Variants in ADAMTS16 observed in about 807,000 individuals in gnomAD.
ADAMTS16 encodes ADAM metallopeptidase with thrombospondin type 1 motif 16.
In ADAMTS16, 94 loss-of-function variants were observed where a neutral mutation model predicts 145.8. That is an observed-to-expected ratio of 0.64 (90% CI 0.55 to 0.77). ADAMTS16 has a LOEUF of 0.77. ADAMTS16 is among the 30% of genes least tolerant of loss of function. The pLI, the probability that ADAMTS16 is intolerant of heterozygous loss-of-function variation, is 0.00. For synonymous variants in ADAMTS16, 659 were observed against 604.3 expected, an observed-to-expected ratio of 1.09 and a Z score of -1.33; for missense variants, 1,585 against 1,591.5, an observed-to-expected ratio of 1.00 and a Z score of 0.07.
At chr5:5,172,238 A>G (rs1735060646) in intron 3 of ADAMTS16, among the ~76,000 whole-genome samples, 1 of 151,752 alleles carries the variant, frequency 6.6e-6, no homozygotes, top group South Asian at 2.1e-4. Flanking sequence ...TCTTTGTTTT[A>G]CTTTCATCTA....
At chr5:5,187,370 C>T (rs1016169599) in intron 5 of ADAMTS16, among the ~76,000 whole-genome samples, 1 of 152,052 alleles carries the variant, frequency 6.6e-6, no homozygotes, top group Non-Finnish European at 1.5e-5. Flanking sequence ...CCCATAAGTG[C>T]GAGAGTTTCT....
intron 12 of ADAMTS16, among the ~76,000 whole-genome samples, chr5:5,233,089 T>C (rs900722393): frequency 5.9e-5 from 9 of 152,164 alleles, no homozygotes; most frequent in Non-Finnish European, 1.5e-5. Context: ...TTTAACCACA[T>C]TTACTTGACA....
chr5:5,176,687 T>C (rs1393190730), intron 3 of ADAMTS16, among the ~76,000 whole-genome samples: 1 of 152,218 alleles, frequency 6.6e-6, no homozygotes, highest in Non-Finnish European at 1.5e-5. Flanking sequence ...CAGTCAATGA[T>C]AATTTGGAAT....
At chr5:5,173,052 T>A (rs1211145004) in intron 3 of ADAMTS16, among the ~76,000 whole-genome samples, 5 of 152,310 alleles carry the variant, frequency 3.3e-5, no homozygotes, top group Middle Eastern at 3.4e-3. Flanking sequence ...AGCCCTTTTT[T>A]TTCCCATCTG....
rs778584055 is a variant in ADAMTS16, at chr5:5,146,401, C to T, written c.447C>T (p.Gly149=). 6 of 1,613,662 alleles carry T rather than the reference C, an allele frequency of 3.7e-6. No homozygotes were observed. Among genetic ancestry groups the T allele is most frequent in the East Asian group, 2.2e-5 (1 of 44,860 alleles). ...LPPEDFCFYQ[G]SLRSHRNSSV... ...CAGAGGACTTCTGTTTCTATCAAGG[C>T]TCTTTGCGATCACACAGAAACTCCT... The change falls in exon 3 of 23, where the codon GGC becomes GGT. Residue 149 remains glycine (G), a synonymous_variant. Coordinates refer to ENST00000274181, the MANE Select transcript of ADAMTS16 (RefSeq NM_139056.4).
chr5:5,262,055 T>C (rs1436713509), intron 17 of ADAMTS16, among the ~76,000 whole-genome samples: 2 of 152,180 alleles, frequency 1.3e-5, no homozygotes, highest in Non-Finnish European at 2.9e-5. Flanking sequence ...ATTGAACAAA[T>C]ATAGGAATGT....
intron 9 of ADAMTS16, among the ~76,000 whole-genome samples, chr5:5,205,327 A>G (rs185176209): frequency 6.6e-5 from 10 of 152,230 alleles, no homozygotes; most frequent in Admixed American, 4.6e-4. Context: ...GAAAAAAAAA[A>G]AAGCTCTACT....
chr5:5,196,790 A>G (rs1200205663), intron 8 of ADAMTS16, among the ~76,000 whole-genome samples: 2 of 152,172 alleles, frequency 1.3e-5, no homozygotes, highest in Non-Finnish European at 2.9e-5. Context: ...GGCATTCTGT[A>G]CAGTTCATGA....
intron 3 of ADAMTS16, among the ~76,000 whole-genome samples, chr5:5,156,199 A>G (rs1238683114): frequency 6.6e-6 from 1 of 152,176 alleles, no homozygotes. Context: ...GTTTAAAGGG[A>G]GAACTTTGAG....
intron 10 of ADAMTS16, among the ~76,000 whole-genome samples, chr5:5,212,594 A>G (rs1157227454): frequency 6.6e-6 from 1 of 152,052 alleles, no homozygotes; most frequent in African/African-American, 2.4e-5. Flanking sequence ...TTTGATACTA[A>G]TATAGCCACA....
chr5:5,273,880 TACA>T (rs1738580440), intron 18 of ADAMTS16, among the ~76,000 whole-genome samples: 1 of 152,234 alleles, frequency 6.6e-6, no homozygotes, highest in Non-Finnish European at 1.5e-5. Context: ...GCAGTGGGGA[TACA>T]ACATTAACTT....
chr5:5,292,499 AATAAT>A (rs1739371166), intron 18 of ADAMTS16, among the ~76,000 whole-genome samples: 1 of 7,976 alleles, frequency 1.3e-4, no homozygotes, highest in African/African-American at 6.5e-4. Context: ...CTCCAGCTCA[AATAAT>A]AATAATAATA....
Position 5,168,352 on chromosome 5 carries a change from CATT to C in ADAMTS16, c.502-13661_502-13659del, listed in dbSNP as rs70965930. Reference sequence around the variant, plus strand: ...CTTTTACGTCTTTATTTATCCGAAACATTATTATTATTATTATTATTATTATTA... The same window carrying C: ...CTTTTACGTCTTTATTTATCCGAAACATTATTATTATTATTATTATTATTA... On this transcript the variant is annotated intron_variant, in intron 3 of 22. Transcript: ENST00000274181. Among the ~76,000 whole-genome samples, 259 of 139,800 alleles carry C rather than the reference CATT, an allele frequency of 1.9e-3. 2 individuals carry two copies. Among genetic ancestry groups the C allele is most frequent in the South Asian group, 6.4e-3 (28 of 4,406 alleles). 91.7% of individuals were successfully genotyped at this position (139,800 alleles called of 152,430 possible).
At chr5:5,239,495 G>A (rs6884787) in intron 15 of ADAMTS16, among the ~76,000 whole-genome samples, 186 bp from the exon 16 acceptor site, 38,073 of 152,084 alleles carry the variant, frequency 0.25, 5,923 homozygotes, top group African/African-American at 0.44. Flanking sequence ...CCATCACAGG[G>A]GCTCTGCTCC....
At chr5:5,153,858 C>T (rs1734534456) in intron 3 of ADAMTS16, among the ~76,000 whole-genome samples, 1 of 152,066 alleles carries the variant, frequency 6.6e-6, no homozygotes, top group Admixed American at 6.5e-5. Flanking sequence ...ATCATTTTTC[C>T]TAAAGTCTAA....
chr5:5,275,040 CTCTA>C lies in ADAMTS16; in HGVS notation c.2789+12263_2789+12266del, dbSNP rs1244367999. Among the ~76,000 whole-genome samples the C allele has an allele frequency of 3.3e-5, 5 of 152,304 alleles. No homozygotes were observed. In the East Asian group the frequency reaches 7.7e-4, roughly 24 times the overall value. Reference sequence around the variant, plus strand: ...AGAATAGATAGCTTGCATTACAAATCTCTATCTATGTCCATGCAATTACTGCAAA... The same window carrying C: ...AGAATAGATAGCTTGCATTACAAATCTCTATGTCCATGCAATTACTGCAAA... On this transcript the variant is annotated intron_variant, in intron 18 of 22. Transcript: ENST00000274181.
chr5:5,167,599 T>C (rs986873642), intron 3 of ADAMTS16, among the ~76,000 whole-genome samples: 2 of 152,228 alleles, frequency 1.3e-5, no homozygotes, highest in East Asian at 1.9e-4. Context: ...AGAAGGTCGC[T>C]AGTGAGTGTG....
intron 8 of ADAMTS16, among the ~76,000 whole-genome samples, chr5:5,196,976 C>A (rs1342610748): frequency 6.6e-6 from 1 of 152,212 alleles, no homozygotes; most frequent in Non-Finnish European, 1.5e-5. Flanking sequence ...CCTCAGTTCC[C>A]CGCAACTGCT....
Position 5,318,154 on chromosome 5 carries a change from A to G in ADAMTS16, c.3432A>G (p.Gly1144=). ...CACAGTGCACGGCCAGCTGTGGGGGAGGCGTTCAGACGAGGTCCGTGCAGT... is the reference window on the plus strand; with the variant it reads ...CACAGTGCACGGCCAGCTGTGGGGGGGGCGTTCAGACGAGGTCCGTGCAGT... ...PWSQCTASCG[G]GVQTRSVQCL... The change falls in exon 22 of 23, where the codon GGA becomes GGG. Residue 1144 remains glycine, a synonymous_variant. Transcript: ENST00000274181. 1.3e-6 allele frequency: 2 copies of G among 1,495,548 alleles called. No individual in the cohort carries two copies. The highest frequency in any genetic ancestry group is 1.8e-6 in the Non-Finnish European group (2 of 1,116,650). 92.6% of individuals were successfully genotyped at this position (1,495,548 alleles called of 1,614,324 possible).
Sources: gnomAD v4.1 joint callset for allele counts (sites outside exome capture counted in the v4.1 genomes callset) on GRCh38, gnomAD v4.1.1 for gene constraint, MANE v1.5 for transcripts, NCBI Gene and HGNC (gene_info 2026-07-23, HGNC 2026-07-21) for gene names.